Variants in RBFOX1 observed in about 807,000 individuals in gnomAD.
RBFOX1 encodes RNA binding fox-1 homolog 1.
Under a neutral mutation model 57.7 loss-of-function variants are expected in RBFOX1, and 8 were observed. The observed-to-expected ratio is 0.14, with a 90% CI of 0.08 to 0.25. The LOEUF (loss-of-function observed/expected upper bound fraction) is 0.25, where lower values mean the gene tolerates loss of function less well. Ranked by LOEUF, RBFOX1 falls within the 10% of genes least tolerant of loss-of-function variation. The probability of loss-of-function intolerance (pLI) is 1.00; values close to 1 mark genes in which losing one functional copy is unlikely to be tolerated. For missense variants in RBFOX1, 611 were observed against 548.5 expected, an observed-to-expected ratio of 1.11 and a Z score of -1.14; for synonymous variants, 326 against 222.4, an observed-to-expected ratio of 1.47 and a Z score of -4.15.
At chr16:6,917,304 G>C (rs966766030) in intron 3 of RBFOX1, among the ~76,000 whole-genome samples, 1 of 152,218 alleles carries the variant, frequency 6.6e-6, no homozygotes, top group African/African-American at 2.4e-5. Flanking sequence ...ACACTGAACA[G>C]AGGATGTCAC....
At chr16:5,954,069 G>A (rs757537167) in intron 4 of RBFOX1, among the ~76,000 whole-genome samples, 6 of 152,184 alleles carry the variant, frequency 3.9e-5, no homozygotes, top group Non-Finnish European at 8.8e-5. Context: ...TGCACACTAT[G>A]CTACAGTGCA....
chr16:6,191,439 C>T (rs893980983), intron 1 of RBFOX1, among the ~76,000 whole-genome samples: 2 of 152,060 alleles, frequency 1.3e-5, no homozygotes, highest in Non-Finnish European at 2.9e-5. Context: ...GGGGTGGTCA[C>T]ATGGTACTGT....
chr16:5,751,854 A>G (rs1408480805), intron 3 of RBFOX1, among the ~76,000 whole-genome samples: 1 of 152,214 alleles, frequency 6.6e-6, no homozygotes, highest in East Asian at 1.9e-4. Flanking sequence ...ACCATTGTGG[A>G]AGACAGTGTG....
intron 3 of RBFOX1, among the ~76,000 whole-genome samples, chr16:6,912,765 A>G (rs2153435611): frequency 6.6e-6 from 1 of 151,916 alleles, no homozygotes; most frequent in Non-Finnish European, 1.5e-5. Context: ...CTATAGGCAC[A>G]TGCCACCACA....
At chr16:7,189,076 A>T (rs9937276) in intron 4 of RBFOX1, among the ~76,000 whole-genome samples, 1 of 151,820 alleles carries the variant, frequency 6.6e-6, no homozygotes, top group Admixed American at 6.6e-5. Context: ...CTCAATGGAT[A>T]GAATCCTCAT....
At chr16:5,612,074 C>A (rs539837833) in intron 3 of RBFOX1, among the ~76,000 whole-genome samples, 2 of 151,426 alleles carry the variant, frequency 1.3e-5, no homozygotes, top group Admixed American at 1.3e-4. Flanking sequence ...AGTCTCCCAC[C>A]CACCTACTCT....
Position 7,162,174 on chromosome 16 carries a change from A to G in RBFOX1, c.27+110076A>G, listed in dbSNP as rs572836116. ...CTTTTCCCTTTAGCTGAATGTGCCA[A>G]TAATGGCAGAATGATGTCTGCTTTT... On this transcript the variant is annotated intron_variant, in intron 4 of 15. Coordinates refer to ENST00000550418, the MANE Select transcript of RBFOX1 (RefSeq NM_018723.4). Among the ~76,000 whole-genome samples the G allele has an allele frequency of 4.6e-5, 7 of 152,320 alleles. No individual in the cohort carries two copies. In the South Asian group the frequency reaches 1.2e-3, roughly 27 times the overall value.
At chr16:7,586,228 T>C (rs1198446215) in intron 6 of RBFOX1, among the ~76,000 whole-genome samples, 1 of 152,206 alleles carries the variant, frequency 6.6e-6, no homozygotes, top group East Asian at 1.9e-4. Context: ...CTCTCTCAGT[T>C]GCTCGTACTT....
At chr16:5,928,886 A>C (rs565605275) in intron 4 of RBFOX1, among the ~76,000 whole-genome samples, 2 of 152,194 alleles carry the variant, frequency 1.3e-5, no homozygotes, top group South Asian at 4.2e-4. Context: ...CCTCTGTGAC[A>C]GCCCATGTTC....
chr16:5,494,227 T>C (rs529757570), intron 2 of RBFOX1, among the ~76,000 whole-genome samples: 1 of 152,338 alleles, frequency 6.6e-6, no homozygotes, highest in South Asian at 2.1e-4. Flanking sequence ...TGGCGGATGC[T>C]ACCCTCATCC....
At chr16:5,424,857 CTCTT>C (rs2067468785) in intron 1 of RBFOX1, among the ~76,000 whole-genome samples, 1 of 147,684 alleles carries the variant, frequency 6.8e-6, no homozygotes, top group African/African-American at 2.6e-5. Flanking sequence ...TTCTCTCTCT[CTCTT>C]CTTTCTTTCT....
At chr16:7,612,518 A>G (rs1451334109) in intron 10 of RBFOX1, among the ~76,000 whole-genome samples, 2 of 151,800 alleles carry the variant, frequency 1.3e-5, no homozygotes, top group African/African-American at 4.8e-5. Context: ...GTAGTTAAAA[A>G]TAGTGTTTCC....
At chr16:6,941,806 A>G (rs540176578) in intron 3 of RBFOX1, among the ~76,000 whole-genome samples, 8 of 152,244 alleles carry the variant, frequency 5.3e-5, no homozygotes, top group South Asian at 2.1e-4. Context: ...TGGAGGACCT[A>G]ACAAATAAGA....
intron 3 of RBFOX1, among the ~76,000 whole-genome samples, chr16:6,942,798 C>G (rs2078785874): frequency 6.6e-6 from 1 of 152,066 alleles, no homozygotes; most frequent in Non-Finnish European, 1.5e-5. Flanking sequence ...ATATTGTCTC[C>G]AAGTCATTCT....
At chr16:7,705,035 C>G (rs1037883242) in intron 14 of RBFOX1, among the ~76,000 whole-genome samples, 15 of 115,394 alleles carry the variant, frequency 1.3e-4, no homozygotes, top group Non-Finnish European at 2.1e-4. Flanking sequence ...CAGAGCAAGA[C>G]TCTGTCTCAA....
intron 9 of RBFOX1, among the ~76,000 whole-genome samples, chr16:7,600,545 A>T (rs1172263895): frequency 1.3e-5 from 2 of 152,166 alleles, no homozygotes; most frequent in African/African-American, 4.8e-5. Context: ...GAAATGAGAA[A>T]ATTAAGCCAT....
chr16:7,492,730 A>G (rs2067325121), intron 4 of RBFOX1, among the ~76,000 whole-genome samples: 1 of 151,934 alleles, frequency 6.6e-6, no homozygotes, highest in Non-Finnish European at 1.5e-5. Context: ...AATTGTTGTG[A>G]AAGCTGACTG....
chr16:5,751,585 A>G (rs2053206805), intron 3 of RBFOX1, among the ~76,000 whole-genome samples: 1 of 152,322 alleles, frequency 6.6e-6, no homozygotes, highest in African/African-American at 2.4e-5. Flanking sequence ...AGGGCAAGGA[A>G]GCCACCTAAA....
intron 1 of RBFOX1, among the ~76,000 whole-genome samples, chr16:6,040,425 T>G (rs1037344340): frequency 1.3e-5 from 2 of 152,216 alleles, no homozygotes; most frequent in African/African-American, 2.4e-5. Context: ...TTTTAACTAC[T>G]CTTAAGTATC....
Sources: allele counts gnomAD v4.1 joint callset (sites outside exome capture counted in the v4.1 genomes callset), GRCh38; gene constraint gnomAD v4.1.1; transcripts MANE v1.5; gene names NCBI Gene and HGNC (gene_info 2026-07-23, HGNC 2026-07-21).